The following CDH18 variants were observed in gnomAD, a reference collection of about 807,000 sequenced individuals.
The protein encoded by CDH18 is cadherin-18.
Under a neutral mutation model 67.9 loss-of-function variants are expected in CDH18, and 31 were observed. The observed-to-expected ratio is 0.46, with a 90% CI of 0.34 to 0.62. The LOEUF is 0.62. Ranked by LOEUF, CDH18 falls within the 20% of genes least tolerant of loss-of-function variation. The pLI is 0.01. For missense variants in CDH18, 890 were observed against 975.5 expected (o/e 0.91, Z 1.17); for synonymous variants, 362 against 347.2 (o/e 1.04, Z -0.48).
chr5:20,364,680 T>A (rs972280437), intron 1 of CDH18, among the ~76,000 whole-genome samples: 4 of 152,230 alleles, frequency 2.6e-5, no homozygotes, highest in African/African-American at 9.6e-5. Flanking sequence ...ATCTTATTTC[T>A]ACAATGATTA....
At position 19,735,277 on chromosome 5, in the gene CDH18, G is replaced by A. The variant is rs189381416; in HGVS notation, c.523+11665C>T. 1.9e-3 allele frequency among the ~76,000 whole-genome samples: 290 copies of A among 151,922 alleles called. 1 individual carries two copies. The highest frequency in any genetic ancestry group is 0.01 in the Middle Eastern group (3 of 294). ...TAATCACATGGAATCTGATCCCAGT[G>A]TATTTTTAGTTATAAAGCAGTCGCA... On this transcript the variant is annotated intron_variant, in intron 4 of 12. Transcript: ENST00000382275.
At chr5:19,516,771 C>CA (rs1028032342) in intron 10 of CDH18, among the ~76,000 whole-genome samples, 1 of 151,160 alleles carries the variant, frequency 6.6e-6, no homozygotes, top group Non-Finnish European at 1.5e-5. Flanking sequence ...AGTGGTCTCT[C>CA]AATTTTGTTG....
At chr5:19,968,081 C>A (rs1396038847) in intron 2 of CDH18, among the ~76,000 whole-genome samples, 4 of 151,154 alleles carry the variant, frequency 2.6e-5, no homozygotes, top group African/African-American at 9.8e-5. Context: ...TGAGTGAACT[C>A]CCATTCACAA....
chr5:20,036,533 G>A (rs867340462), intron 2 of CDH18, among the ~76,000 whole-genome samples: 18 of 152,002 alleles, frequency 1.2e-4, no homozygotes, highest in South Asian at 6.2e-4. Context: ...CACATTGTTT[G>A]CAGTTGTCCA....
rs553723574 is a variant in CDH18, at chr5:20,423,946, C to CAAAA, written c.-580+151512_-580+151515dup. Among the ~76,000 whole-genome samples, 67 of 63,814 alleles carry CAAAA rather than the reference C, an allele frequency of 1.0e-3. 5 individuals are homozygous for CAAAA. Among genetic ancestry groups the CAAAA allele is most frequent in the African/African-American group, 5.0e-3 (56 of 11,192 alleles). The allele number at this position is 63,814 out of a possible 152,430, so 41.9% of individuals were successfully genotyped here. A position where few individuals can be genotyped will look rare whatever the true frequency, so the allele number is the denominator to read the frequency against. ...TGGGCGACTGAGCGAGACTCCGTCT[C>CAAAA]AAAAAAAAAAAAAAAAAAAAAAAAA... is the stretch of plus-strand genomic sequence containing the variant. On this transcript the variant is annotated intron_variant, in intron 1 of 14. Coordinates refer to the CDH18 transcript ENST00000507958.
At chr5:19,586,455 CG>C (rs1744154751) in intron 7 of CDH18, among the ~76,000 whole-genome samples, 1 of 152,028 alleles carries the variant, frequency 6.6e-6, no homozygotes, top group Non-Finnish European at 1.5e-5. Flanking sequence ...CAGAGCACGT[CG>C]TATTTGGTTT....
chr5:20,360,564 C>T (rs1742008231), intron 1 of CDH18, among the ~76,000 whole-genome samples: 1 of 152,164 alleles, frequency 6.6e-6, no homozygotes, highest in African/African-American at 2.4e-5. Context: ...CATATAATGC[C>T]TCCCTGATCT....
chr5:20,206,328 G>T (rs2126340311), intron 2 of CDH18, among the ~76,000 whole-genome samples: 1 of 151,916 alleles, frequency 6.6e-6, no homozygotes. Context: ...TGAGTAGTGA[G>T]ACTGATGCCA....
intron 1 of CDH18, among the ~76,000 whole-genome samples, chr5:20,351,349 A>T (rs949495872): frequency 1.3e-5 from 2 of 152,078 alleles, no homozygotes; most frequent in Non-Finnish European, 2.9e-5. Context: ...TAACGAACAC[A>T]TATAAAATGC....
chr5:20,310,042 A>G (rs1431368161), intron 1 of CDH18, among the ~76,000 whole-genome samples: 1 of 152,174 alleles, frequency 6.6e-6, no homozygotes, highest in Non-Finnish European at 1.5e-5. Flanking sequence ...TGAAAGGAAT[A>G]TGGGTTCTGA....
At chr5:19,839,516 A>G (rs76512691) in intron 2 of CDH18, among the ~76,000 whole-genome samples, 1 of 152,192 alleles carries the variant, frequency 6.6e-6, no homozygotes, top group East Asian at 1.9e-4. Context: ...CTACACATGA[A>G]TTACCTACTG....
At chr5:19,625,130 C>T (rs1751327605) in intron 5 of CDH18, among the ~76,000 whole-genome samples, 1 of 151,998 alleles carries the variant, frequency 6.6e-6, no homozygotes, top group South Asian at 2.1e-4. Context: ...CTGTGGTTCT[C>T]ATGTTGCCAC....
intron 2 of CDH18, among the ~76,000 whole-genome samples, chr5:20,035,527 T>C (rs1464173203): frequency 3.3e-5 from 5 of 151,978 alleles, no homozygotes; most frequent in African/African-American, 1.2e-4. Flanking sequence ...ACATCTTACA[T>C]GGTGGCAGGT....
chr5:20,003,043 A>C (rs549155995), intron 2 of CDH18, among the ~76,000 whole-genome samples: 18 of 152,142 alleles, frequency 1.2e-4, no homozygotes, highest in African/African-American at 3.9e-4. Flanking sequence ...TTACGATGTG[A>C]ACCTATTCAA....
intron 11 of CDH18, 111 bp downstream of exon 11, chr5:19,502,881 C>A (rs1361525488): frequency 6.5e-6 from 5 of 765,274 alleles, no homozygotes; most frequent in Non-Finnish European, 1.2e-5. Context: ...ATCAAACTGA[C>A]TTTGAATGCT....
chr5:20,257,592 C>G (rs959971356), intron 1 of CDH18, among the ~76,000 whole-genome samples: 1 of 151,958 alleles, frequency 6.6e-6, no homozygotes, highest in Non-Finnish European at 1.5e-5. Context: ...TAATATCTGA[C>G]AAAAGAAAAT....
chr5:20,357,803 C>A (rs747135818), intron 1 of CDH18, among the ~76,000 whole-genome samples: 17 of 151,812 alleles, frequency 1.1e-4, no homozygotes, highest in Admixed American at 9.2e-4. Flanking sequence ...GGGTATATAC[C>A]CAAAGGAAAA....
chr5:20,273,112 T>C (rs1745557805), intron 1 of CDH18, among the ~76,000 whole-genome samples: 1 of 152,104 alleles, frequency 6.6e-6, no homozygotes, highest in South Asian at 2.1e-4. Context: ...CCTTTGCTCA[T>C]TTGAGTCTTG....
At chr5:19,714,742 A>G (rs1034557206) in intron 5 of CDH18, among the ~76,000 whole-genome samples, 1 of 152,006 alleles carries the variant, frequency 6.6e-6, no homozygotes, top group African/African-American at 2.4e-5. Context: ...AAATTATGTC[A>G]TTTCCATTAC....
Sources: allele counts gnomAD v4.1 joint callset (sites outside exome capture counted in the v4.1 genomes callset), GRCh38; gene constraint gnomAD v4.1.1; transcripts MANE v1.5; gene names NCBI Gene and HGNC (gene_info 2026-07-23, HGNC 2026-07-21).